The following NCKAP5 variants were observed in gnomAD, a reference collection of about 807,000 sequenced individuals.
NCKAP5 encodes the protein nck-associated protein 5.
Under a neutral mutation model 167.0 loss-of-function variants are expected in NCKAP5, and 92 were observed. The observed-to-expected ratio is 0.55, with a 90% CI of 0.47 to 0.66. The LOEUF is 0.66. NCKAP5 is among the 30% of genes least tolerant of loss of function. The pLI is 0.00. For missense variants in NCKAP5, 2,378 were observed against 2,315.0 expected, an observed-to-expected ratio of 1.03 and a Z score of -0.56; for synonymous variants, 891 against 877.4, an observed-to-expected ratio of 1.02 and a Z score of -0.27.
intron 7 of NCKAP5, among the ~76,000 whole-genome samples, chr2:132,973,118 A>G (rs1236397240): frequency 6.6e-6 from 1 of 152,130 alleles, no homozygotes; most frequent in African/African-American, 2.4e-5. Context: ...CTTAACCTCA[A>G]CACGGTGGCC....
At chr2:133,019,531 A>C (rs749229583) in intron 6 of NCKAP5, among the ~76,000 whole-genome samples, 15 of 152,226 alleles carry the variant, frequency 9.9e-5, no homozygotes, top group Non-Finnish European at 2.2e-4. Context: ...AAGAACAGGG[A>C]AACAGTCCTT....
intron 3 of NCKAP5, among the ~76,000 whole-genome samples, chr2:133,379,925 AG>A (rs746413729): frequency 4.6e-5 from 7 of 152,176 alleles, no homozygotes; most frequent in South Asian, 4.1e-4. Flanking sequence ...AATACCAGCA[AG>A]TGAATAGATG....
intron 3 of NCKAP5, 67 bp from the exon 4 acceptor site, chr2:133,303,177 C>G (rs1227652650): frequency 9.3e-7 from 1 of 1,080,480 alleles, no homozygotes; most frequent in Non-Finnish European, 1.4e-6. Flanking sequence ...AGACCCTGAC[C>G]TTATCTCTAC....
Position 132,784,873 on chromosome 2 carries a change from T to C in NCKAP5, c.1938A>G (p.Pro646=), listed in dbSNP as rs749517348. Residue 646 remains proline, a synonymous_variant, in exon 14 of 20, where the codon CCA becomes CCG. Coordinates refer to ENST00000409261, the MANE Select transcript of NCKAP5 (RefSeq NM_207363.3). ...GCTGCTTAATGAAACTAAAAGTCTT[T>C]GGCCTAGTCTCTGAAGGGATGGGCA... ...KQVPIPSETR[P]KTFSFIKQQR... The C allele has an allele frequency of 3.2e-6, 5 of 1,559,160 alleles. No individual in the cohort carries two copies. Among genetic ancestry groups the C allele is most frequent in the Middle Eastern group, 1.7e-4 (1 of 5,798 alleles).
intron 8 of NCKAP5, among the ~76,000 whole-genome samples, chr2:132,947,011 C>A (rs956169172): frequency 6.6e-6 from 1 of 152,146 alleles, no homozygotes; most frequent in Non-Finnish European, 1.5e-5. Flanking sequence ...GTTTCTTAAA[C>A]ATACATATAA....
At chr2:133,123,048 G>A (rs1324616945) in intron 6 of NCKAP5, 1 of 152,112 alleles carries the variant, frequency 6.6e-6, no homozygotes, top group Non-Finnish European at 1.5e-5. Flanking sequence ...AAATAAGATA[G>A]TGCTCTTTGC....
At chr2:133,034,206 A>G (rs2078970737) in intron 6 of NCKAP5, among the ~76,000 whole-genome samples, 1 of 152,158 alleles carries the variant, frequency 6.6e-6, no homozygotes, top group Non-Finnish European at 1.5e-5. Flanking sequence ...ACCAGGAGAG[A>G]GTGAAATATT....
At chr2:133,671,345 C>T in the NCKAP5 span, among the ~76,000 whole-genome samples, 1 of 152,000 alleles carries the variant, frequency 6.6e-6, no homozygotes, top group African/African-American at 2.4e-5. Context: ...ATATCTGTCC[C>T]CTCCAAAACT....
chr2:133,043,887 A>G (rs566852557), intron 6 of NCKAP5, among the ~76,000 whole-genome samples: 1 of 148,842 alleles, frequency 6.7e-6, no homozygotes, highest in African/African-American at 2.5e-5. Context: ...TTTTTGATTG[A>G]CTAAAAGATA....
intron 4 of NCKAP5, among the ~76,000 whole-genome samples, chr2:133,266,913 G>C (rs956395047): frequency 6.6e-6 from 1 of 152,118 alleles, no homozygotes; most frequent in Non-Finnish European, 1.5e-5. Flanking sequence ...GAGGAGGCTG[G>C]GGCCCATCGA....
intron 3 of NCKAP5, among the ~76,000 whole-genome samples, chr2:133,320,360 A>T (rs1681942862): frequency 6.6e-6 from 1 of 152,034 alleles, no homozygotes; most frequent in Non-Finnish European, 1.5e-5. Flanking sequence ...AAATGTCCCC[A>T]CTTGTCACGG....
At chr2:133,332,774 G>A (rs1317221938) in intron 3 of NCKAP5, among the ~76,000 whole-genome samples, 1 of 152,208 alleles carries the variant, frequency 6.6e-6, no homozygotes, top group African/African-American at 2.4e-5. Flanking sequence ...GCTTCTAGGG[G>A]AGGTCTGGAA....
chr2:132,742,636 AT>A (rs1253436141), intron 16 of NCKAP5, among the ~76,000 whole-genome samples: 1 of 151,890 alleles, frequency 6.6e-6, no homozygotes, highest in Non-Finnish European at 1.5e-5. Context: ...AAGTTCAAAA[AT>A]GTTTTTCTCC....
In NCKAP5 at chr2:133,473,130, G is replaced by A. The variant is rs150961174; in HGVS notation, c.69+44328C>T. On this transcript the variant is annotated intron_variant, in intron 3 of 19. Coordinates refer to ENST00000409261, the MANE Select transcript of NCKAP5 (RefSeq NM_207363.3). ...GGGTGGATCATGAGGTCAGGAGATC[G>A]AGACCATCCTGGCCAAGATGGTGAA... 8.6e-3 allele frequency among the ~76,000 whole-genome samples: 1,304 copies of A among 152,160 alleles called. 12 individuals carry two copies. The highest frequency in any genetic ancestry group is 0.03 in the African/African-American group (1,237 of 41,510).
At chr2:133,339,635 A>G (rs1394694863) in intron 3 of NCKAP5, among the ~76,000 whole-genome samples, 1 of 152,194 alleles carries the variant, frequency 6.6e-6, no homozygotes, top group African/African-American at 2.4e-5. Context: ...CTTGATACCA[A>G]TGGGGAAAAA....
At chr2:133,121,738 A>G (rs1411559942) in intron 6 of NCKAP5, among the ~76,000 whole-genome samples, 1 of 149,796 alleles carries the variant, frequency 6.7e-6, no homozygotes, top group Non-Finnish European at 1.5e-5. Flanking sequence ...GTCCCACCCT[A>G]GTTATCTTCC....
intron 8 of NCKAP5, among the ~76,000 whole-genome samples, chr2:132,940,080 C>T (rs1697180806): frequency 6.6e-6 from 1 of 152,154 alleles, no homozygotes. Flanking sequence ...TCCATTATAT[C>T]ATTCTTATGC....
chr2:132,851,309 TG>T, intron 11 of NCKAP5, among the ~76,000 whole-genome samples: 1 of 152,268 alleles, frequency 6.6e-6, no homozygotes, highest in South Asian at 2.1e-4. Context: ...TAGATGGAAG[TG>T]GGGTGTGTCT....
chr2:133,393,637 C>T (rs1687561241), intron 3 of NCKAP5, among the ~76,000 whole-genome samples: 1 of 152,202 alleles, frequency 6.6e-6, no homozygotes, highest in African/African-American at 2.4e-5. Context: ...GCAACAAGTT[C>T]TAATATTTAT....
Sources: gnomAD v4.1 joint callset for allele counts (sites outside exome capture counted in the v4.1 genomes callset) on GRCh38, gnomAD v4.1.1 for gene constraint, MANE v1.5 for transcripts, NCBI Gene and HGNC (gene_info 2026-07-23, HGNC 2026-07-21) for gene names.